The following KIAA1217 variants were observed in gnomAD, a reference collection of about 807,000 sequenced individuals.
KIAA1217 encodes sickle tail protein homolog.
A neutral mutation model predicts 163.9 loss-of-function variants in KIAA1217; 88 were observed. The ratio of observed to expected loss-of-function variants is 0.54; its 90% CI spans 0.45 to 0.64. The LOEUF is 0.64. KIAA1217 is among the 30% of genes least tolerant of loss of function. The pLI is 0.00. For missense variants in KIAA1217, 2,372 were observed against 2,475.0 expected, an observed-to-expected ratio of 0.96 and a Z score of 0.88; for synonymous variants, 903 against 923.1, an observed-to-expected ratio of 0.98 and a Z score of 0.39.
intron 6 of KIAA1217, among the ~76,000 whole-genome samples, chr10:24,475,095 T>C (rs1373275880): frequency 2.0e-5 from 3 of 152,136 alleles, no homozygotes; most frequent in Admixed American, 2.0e-4. Context: ...GGCAGGTGCC[T>C]GTAATCTCAG....
intron 1 of KIAA1217, among the ~76,000 whole-genome samples, chr10:23,903,075 C>T (rs951726488): frequency 6.6e-6 from 1 of 152,002 alleles, no homozygotes; most frequent in African/African-American, 2.4e-5. Flanking sequence ...AGTTAGGTCC[C>T]CAAGTTTCTT....
intron 2 of KIAA1217, among the ~76,000 whole-genome samples, chr10:24,143,425 C>T (rs926922952): frequency 1.3e-5 from 2 of 152,126 alleles, no homozygotes; most frequent in South Asian, 2.1e-4. Context: ...TGCCACCACA[C>T]CCAGCTAATT....
intron 1 of KIAA1217, among the ~76,000 whole-genome samples, chr10:23,867,420 C>A (rs1042351155): frequency 3.3e-5 from 5 of 152,076 alleles, no homozygotes; most frequent in Non-Finnish European, 5.9e-5. Flanking sequence ...CCTGAGGAAT[C>A]GCCACACTGA....
At chr10:24,402,811 G>C (rs184305114) in intron 3 of KIAA1217, among the ~76,000 whole-genome samples, 76 of 152,212 alleles carry the variant, frequency 5.0e-4, no homozygotes, top group African/African-American at 1.7e-3. Context: ...TTTCCTTTCA[G>C]TCTGTAGCTT....
chr10:24,517,428 A>G lies in KIAA1217; in HGVS notation c.2178-2695A>G, dbSNP rs182742683. 5.0e-3 allele frequency among the ~76,000 whole-genome samples: 754 copies of G among 152,286 alleles called. 3 individuals carry two copies. Among genetic ancestry groups the G allele is most frequent in the African/African-American group, 0.015 (613 of 41,578 alleles). On this transcript the variant is annotated intron_variant, in intron 10 of 20. Transcript: ENST00000376454. ...CACTGATTTGATCTGTACAAATTAT[A>G]TGTACTAAATTATCACATGTACCCC... is the stretch of plus-strand genomic sequence containing the variant.
chr10:24,306,169 A>C (rs922135854), intron 2 of KIAA1217, among the ~76,000 whole-genome samples: 1 of 152,202 alleles, frequency 6.6e-6, no homozygotes, highest in African/African-American at 2.4e-5. Flanking sequence ...AGGCATTAAC[A>C]AATGGTGTCT....
intron 2 of KIAA1217, among the ~76,000 whole-genome samples, chr10:24,042,718 G>T (rs923868248): frequency 1.3e-5 from 2 of 152,124 alleles, no homozygotes; most frequent in Admixed American, 1.3e-4. Flanking sequence ...TAATGAATGA[G>T]ATAAGAAATG....
chr10:24,198,312 A>G (rs1282570195), intron 2 of KIAA1217, among the ~76,000 whole-genome samples: 3 of 152,206 alleles, frequency 2.0e-5, no homozygotes. Context: ...ATAAAATGGA[A>G]ATGTTTGGGA....
rs561348932 is a variant in KIAA1217 at position 23,923,942 on chromosome 10, G to A, written c.-320-83283G>A. On this transcript the variant is annotated intron_variant, in intron 1 of 18. Transcript: ENST00000376462. ...TGTAGGATTAGGAAGTAGCTTTCACGTTTACCTTTATTTTTTGCAAATACC... is the reference window on the plus strand; with the variant it reads ...TGTAGGATTAGGAAGTAGCTTTCACATTTACCTTTATTTTTTGCAAATACC... 3.3e-5 allele frequency among the ~76,000 whole-genome samples: 5 copies of A among 152,154 alleles called. No individual in the cohort carries two copies. In the South Asian group the frequency reaches 6.2e-4, roughly 19 times the overall value.
intron 2 of KIAA1217, among the ~76,000 whole-genome samples, chr10:24,260,601 A>C (rs553879554): frequency 6.6e-6 from 1 of 150,690 alleles, no homozygotes; most frequent in Admixed American, 6.6e-5. Flanking sequence ...AAAAAAAAAA[A>C]AAAAAAGCCA....
intron 2 of KIAA1217, among the ~76,000 whole-genome samples, chr10:24,227,638 T>C (rs879391076): frequency 4.6e-5 from 7 of 151,852 alleles, no homozygotes; most frequent in African/African-American, 7.3e-5. Context: ...GTTCAGGCCA[T>C]TCTCCTGCCT....
intron 2 of KIAA1217, among the ~76,000 whole-genome samples, chr10:24,035,817 G>C (rs1848374960): frequency 6.6e-6 from 1 of 152,204 alleles, no homozygotes; most frequent in Admixed American, 6.5e-5. Flanking sequence ...AAGCGAAGTT[G>C]GCTATGCCTT....
chr10:24,145,788 G>A (rs774261001), intron 2 of KIAA1217, among the ~76,000 whole-genome samples: 3 of 152,240 alleles, frequency 2.0e-5, no homozygotes, highest in Non-Finnish European at 4.4e-5. Context: ...GGAGTCTGAT[G>A]TTTGAGGGCA....
At chr10:24,313,756 C>T (rs1042248933) in intron 2 of KIAA1217, among the ~76,000 whole-genome samples, 2 of 151,436 alleles carry the variant, frequency 1.3e-5, no homozygotes, top group African/African-American at 4.9e-5. Context: ...TTTCATCCAA[C>T]ACCAAAAAAT....
At chr10:23,887,033 C>A (rs1257909490) in intron 1 of KIAA1217, among the ~76,000 whole-genome samples, 1 of 151,820 alleles carries the variant, frequency 6.6e-6, no homozygotes, top group Admixed American at 6.6e-5. Context: ...TAAAATATTT[C>A]TGGCTCTACT....
intron 2 of KIAA1217, among the ~76,000 whole-genome samples, chr10:24,077,239 G>C (rs1428596993): frequency 6.6e-6 from 1 of 152,052 alleles, no homozygotes; most frequent in Non-Finnish European, 1.5e-5. Context: ...TTGTTACCAG[G>C]TAAAGGTGTG....
chr10:24,164,857 T>C (rs2065273691), intron 2 of KIAA1217, among the ~76,000 whole-genome samples: 1 of 152,180 alleles, frequency 6.6e-6, no homozygotes, highest in African/African-American at 2.4e-5. Context: ...TTCTGAACTA[T>C]TTGGGACCAC....
intron 3 of KIAA1217, among the ~76,000 whole-genome samples, chr10:24,415,110 C>CTTTTTTT (rs71397948): frequency 1.7e-5 from 2 of 120,252 alleles, no homozygotes; most frequent in African/African-American, 3.4e-5. Context: ...TGATCTCTCT[C>CTTTTTTT]TTTTTTTTTT....
intron 1 of KIAA1217, among the ~76,000 whole-genome samples, chr10:23,818,000 T>TATATACACAC (rs1564447850): frequency 1.9e-5 from 2 of 103,228 alleles, no homozygotes; most frequent in Non-Finnish European, 3.8e-5. Context: ...TATATATATA[T>TATATACACAC]ATATATATAC....
Sources: gnomAD v4.1 joint callset for allele counts (sites outside exome capture counted in the v4.1 genomes callset) on GRCh38, gnomAD v4.1.1 for gene constraint, MANE v1.5 for transcripts, NCBI Gene and HGNC (gene_info 2026-07-23, HGNC 2026-07-21) for gene names.